XDH: variants seen among roughly 807,000 people sequenced by gnomAD.
The protein encoded by XDH is xanthine dehydrogenase/oxidase.
Under a neutral mutation model 156.1 loss-of-function variants are expected in XDH, and 138 were observed. That is an observed-to-expected ratio of 0.88 (90% confidence interval 0.77 to 1.02). XDH has a LOEUF of 1.02. XDH is among the 50% of genes least tolerant of loss of function. The pLI, the probability that XDH is intolerant of heterozygous loss-of-function variation, is 0.00. For missense variants in XDH, 1,849 were observed against 1,684.9 expected (o/e 1.10, Z -1.71); for synonymous variants, 669 against 625.7 (o/e 1.07, Z -1.03).
intron 26 of XDH, 37 bp downstream of exon 26, chr2:31,349,649 C>T (rs1323927157): frequency 4.3e-6 from 7 of 1,613,078 alleles, no homozygotes; most frequent in Non-Finnish European, 5.9e-6. Flanking sequence ...GATATGAAAC[C>T]CAGAAGAGCA....
chr2:31,349,554 G>A (rs1408613787), intron 26 of XDH, 132 bp downstream of exon 26: 2 of 1,321,144 alleles, frequency 1.5e-6, no homozygotes, highest in Non-Finnish European at 2.2e-6. Flanking sequence ...AGAGATGGCT[G>A]TGAATGAGTT....
chr2:31,357,172 T>C (rs549507806), intron 24 of XDH, among the ~76,000 whole-genome samples: 1 of 152,080 alleles, frequency 6.6e-6, no homozygotes, highest in Admixed American at 6.6e-5. Context: ...TAATTTAAGC[T>C]TTCAACTCAA....
At chr2:31,367,402 T>C (rs1302826929) in intron 20 of XDH, among the ~76,000 whole-genome samples, 1 of 152,210 alleles carries the variant, frequency 6.6e-6, no homozygotes, top group East Asian at 1.9e-4. Flanking sequence ...GAGAGTCGGC[T>C]TCATACCAGG....
In XDH at chr2:31,366,941, T is replaced by G; in HGVS notation, c.2251A>C (p.Ile751Leu). The change falls in exon 21 of 36, where the codon ATT becomes CTT. Residue 751 changes from isoleucine to leucine, a missense_variant. By Grantham distance (5) the Ile-to-Leu change is conservative. Coordinates refer to ENST00000379416, the MANE Select transcript of XDH (RefSeq NM_000379.4). The part of the protein sequence containing the change: ...EHFYLETHCT[I>L]AVPKGEAGEM... ...CCTGCCTCGCCTTTTGGAACAGCAATGGTGCAGTGAGTCTCCAGGTAGAAG... is the reference window on the plus strand; with the variant it reads ...CCTGCCTCGCCTTTTGGAACAGCAAGGGTGCAGTGAGTCTCCAGGTAGAAG... The G allele has an allele frequency of 6.2e-7, 1 of 1,614,256 alleles. No homozygotes were observed. The highest frequency in any genetic ancestry group is 8.5e-7 in the Non-Finnish European group (1 of 1,180,040).
In XDH at chr2:31,370,407, C is replaced by T. The variant is rs1371546537; in HGVS notation, c.1928G>A (p.Gly643Glu). The stretch of plus-strand genomic sequence containing the variant: ...ATTACAAATTCCAGTTATGTTACTC[C>T]CAGGAACATCATCAGCGGAAATGAA... ...VCFISADDVP[G>E]SNITGICNDE... The change falls in exon 18 of 36, where the codon GGG (glycine) becomes GAG (glutamate). Residue 643 changes from glycine to glutamate, a missense_variant. Coordinates refer to ENST00000379416, the MANE Select transcript of XDH (RefSeq NM_000379.4). The T allele has an allele frequency of 7.4e-6, 12 of 1,614,138 alleles. No homozygotes were observed. Among genetic ancestry groups the T allele is most frequent in the African/African-American group, 1.3e-5 (1 of 75,042 alleles).
At chr2:31,366,165 G>A in intron 21 of XDH, 56 bp from the exon 22 acceptor site, 1 of 1,614,014 alleles carries the variant, frequency 6.2e-7, no homozygotes, top group Non-Finnish European at 8.5e-7. Context: ...CTTATTTCAG[G>A]CCTAAGGCAG....
At position 31,342,362 on chromosome 2, in the gene XDH, G is replaced by A. The variant is rs775561192; in HGVS notation, c.3405-65C>T. The A allele has an allele frequency of 5.8e-6, 8 of 1,380,152 alleles. No individual in the cohort carries two copies. In the East Asian group the frequency reaches 9.2e-5, roughly 16 times the overall value. The allele number at this position is 1,380,152 out of a possible 1,614,324, so 85.5% of individuals were successfully genotyped here. ...TGAACACACCCCCTTCCCTATGCAC[G>A]TACAGCTTGACCCACAACATCTTTA... On this transcript the variant is annotated intron_variant, in intron 31 of 35. Coordinates refer to ENST00000379416, the MANE Select transcript of XDH (RefSeq NM_000379.4).
In XDH at chr2:31,383,069, T is replaced by A. The variant is rs978643570; in HGVS notation, c.970A>T (p.Thr324Ser). Reference sequence around the variant, plus strand: ...TCCAGGACCCCTCTGAACACCTCTGTCTTTTGGGCAGGAAGCTTAGCAACA... The same window carrying A: ...TCCAGGACCCCTCTGAACACCTCTGACTTTTGGGCAGGAAGCTTAGCAACA... ...DAVAKLPAQK[T>S]EVFRGVLEQL... Residue 324 changes from threonine to serine, a missense_variant, in exon 11 of 36, where the codon ACA (threonine) becomes TCA (serine). Coordinates refer to ENST00000379416, the MANE Select transcript of XDH (RefSeq NM_000379.4). 6.2e-7 allele frequency: 1 copy of A among 1,614,140 alleles called. No homozygotes were observed.
intron 24 of XDH, among the ~76,000 whole-genome samples, chr2:31,360,590 T>A (rs57418374): frequency 0.33 from 50,466 of 152,122 alleles, 10,064 homozygotes; most frequent in African/African-American, 0.55. Flanking sequence ...GATGTGAATC[T>A]TCCCTTTGTC....
In XDH at chr2:31,342,197, T is replaced by C. The variant is rs1409510795; in HGVS notation, c.3505A>G (p.Thr1169Ala). 1.2e-6 allele frequency: 2 copies of C among 1,614,122 alleles called. No homozygotes were observed. Among genetic ancestry groups the C allele is most frequent in the Admixed American group, 3.3e-5 (2 of 60,032 alleles). ...AAACTTCTTACCTTATGATCTCCTG[T>C]TAGGCAGTCGATTTCTACTTCAGAG... ...ACSEVEIDCLTGDHKNLRTDI... is the reference protein window; with the variant it reads ...ACSEVEIDCLAGDHKNLRTDI... The change falls in exon 32 of 36, where the codon ACA becomes GCA. Residue 1169 changes from threonine to alanine, a missense_variant. Transcript: ENST00000379416.
chr2:31,341,979 G>T (rs996818115), intron 32 of XDH, among the ~76,000 whole-genome samples: 1 of 152,164 alleles, frequency 6.6e-6, no homozygotes, highest in East Asian at 1.9e-4. Context: ...TTCAATGGTA[G>T]AGTTCAGTAG....
At chr2:31,374,469 T>C (rs963860811) in intron 15 of XDH, among the ~76,000 whole-genome samples, 11 of 151,806 alleles carry the variant, frequency 7.2e-5, no homozygotes. Flanking sequence ...GAAGGACAGA[T>C]AGAAACAGAG....
intron 14 of XDH, among the ~76,000 whole-genome samples, chr2:31,376,416 T>C (rs550377571): frequency 3.4e-4 from 51 of 149,338 alleles, no homozygotes; most frequent in African/African-American, 1.2e-3. Flanking sequence ...GCAGCAGCAA[T>C]ACTAGTAGCA....
intron 23 of XDH, among the ~76,000 whole-genome samples, 192 bp from the exon 24 acceptor site, chr2:31,364,436 C>T (rs1004305710): frequency 2.6e-5 from 4 of 152,078 alleles, no homozygotes; most frequent in African/African-American, 9.7e-5. Context: ...ACTGACCTCT[C>T]CCCAGTGGCA....
rs925507903 is a variant in XDH, at chr2:31,345,683, ATG to A, written c.3352-949_3352-948del. Among the ~76,000 whole-genome samples, 132 of 151,920 alleles carry A rather than the reference ATG, an allele frequency of 8.7e-4. 1 individual carries two copies. The highest frequency in any genetic ancestry group is 3.0e-3 in the African/African-American group (125 of 41,468). ...GTCATTTAACATAATGTGCGTGTGC[ATG>A]TGTGTGTGTGCACGCATGCTTGTGT... On this transcript the variant is annotated intron_variant, in intron 30 of 35. Transcript: ENST00000379416.
chr2:31,403,153 T>G lies in XDH; in HGVS notation c.101-9A>C. ...GGTTCCACTCAGCCCCACTGGGTGG[T>G]CAAGAGTTAAGGAGAATGAACTCAG... On this transcript the variant is annotated splice_polypyrimidine_tract_variant and intron_variant, in intron 2 of 35. Transcript: ENST00000379416. 6.2e-7 allele frequency: 1 copy of G among 1,613,868 alleles called. No individual in the cohort carries two copies. Among genetic ancestry groups the G allele is most frequent in the Non-Finnish European group, 8.5e-7 (1 of 1,179,866 alleles).
intron 33 of XDH, among the ~76,000 whole-genome samples, chr2:31,340,379 T>G (rs1260718898): frequency 6.6e-6 from 1 of 152,250 alleles, no homozygotes; most frequent in Non-Finnish European, 1.5e-5. Flanking sequence ...TGTCCATTTT[T>G]TAGAAGTACA....
rs1471073781 is a variant in XDH, at chr2:31,342,277, C to T, written c.3425G>A (p.Ser1142Asn). 1.2e-6 allele frequency: 2 copies of T among 1,614,096 alleles called. No homozygotes were observed. Among genetic ancestry groups the T allele is most frequent in the Middle Eastern group, 1.6e-4 (1 of 6,062 alleles). ...GGGGTTCCCTGAGTTAGTCTCAAAG[C>T]TGTAGCCCAGATTGGGTGTTCTGGG... Reference protein sequence around the residue: ...GFYRTPNLGYSFETNSGNPFH... With the variant: ...GFYRTPNLGYNFETNSGNPFH... Residue 1142 changes from serine to asparagine, a missense_variant, in exon 32 of 36, where the codon AGC becomes AAC. Transcript: ENST00000379416.
In XDH at chr2:31,383,075, G is replaced by C. The variant is rs767341259; in HGVS notation, c.964C>G (p.Gln322Glu). ...LVDAVAKLPA[Q>E]KTEVFRGVLE... ...ACCCCTCTGAACACCTCTGTCTTTT[G>C]GGCAGGAAGCTTAGCAACAGCATCC... The change falls in exon 11 of 36, where the codon CAA becomes GAA. Residue 322 changes from glutamine to glutamate, a missense_variant. Coordinates refer to ENST00000379416, the MANE Select transcript of XDH (RefSeq NM_000379.4). The C allele has an allele frequency of 6.2e-7, 1 of 1,614,120 alleles. No individual in the cohort carries two copies. Among genetic ancestry groups the C allele is most frequent in the Non-Finnish European group, 8.5e-7 (1 of 1,180,026 alleles).
Sources: allele counts gnomAD v4.1 joint callset (sites outside exome capture counted in the v4.1 genomes callset), GRCh38; gene constraint gnomAD v4.1.1; transcripts MANE v1.5; gene names NCBI Gene and HGNC (gene_info 2026-07-23, HGNC 2026-07-21).